Variants in CDC25C observed in about 807,000 individuals in gnomAD.
CDC25C encodes the protein cell division cycle 25C.
Under a neutral mutation model 52.5 loss-of-function variants are expected in CDC25C, and 48 were observed. That is an observed-to-expected ratio of 0.91 (90% CI 0.72 to 1.16). CDC25C has a LOEUF of 1.16. Among genes scored for constraint, CDC25C ranks in the 50% most tolerant of loss-of-function variants. The pLI, the probability that CDC25C is intolerant of heterozygous loss-of-function variation, is 0.00. For synonymous variants in CDC25C, 187 were observed against 206.5 expected, an observed-to-expected ratio of 0.91 and a Z score of 0.81; for missense variants, 510 against 566.1, an observed-to-expected ratio of 0.90 and a Z score of 1.01.
At chr5:138,313,511 A>G (rs1475385693) in intron 7 of CDC25C, among the ~76,000 whole-genome samples, 1 of 152,132 alleles carries the variant, frequency 6.6e-6, no homozygotes, top group African/African-American at 2.4e-5. Flanking sequence ...AAAATGATTA[A>G]AATTGTAAAT....
intron 10 of CDC25C, among the ~76,000 whole-genome samples, 198 bp downstream of exon 10, chr5:138,289,303 T>G (rs1006916760): frequency 6.6e-6 from 1 of 152,136 alleles, no homozygotes; most frequent in East Asian, 1.9e-4. Flanking sequence ...AAAAACTATG[T>G]ATCATTTGTT....
chr5:138,289,668 G>C (rs1756549121), intron 9 of CDC25C, 105 bp from the exon 10 acceptor site: 2 of 834,838 alleles, frequency 2.4e-6, no homozygotes, highest in East Asian at 5.1e-5. Flanking sequence ...TAAAACCCCA[G>C]AGGCCTTCAA....
In CDC25C at chr5:138,291,971, T is replaced by G; in HGVS notation, c.761A>C (p.Lys254Thr). 1 of 1,606,384 alleles carries G rather than the reference T, an allele frequency of 6.2e-7. No homozygotes were observed. ...KYFSGQGKLR[K>T]GLCLKKTVSL... ...ATTTTCATCTTAAAAAGTTCTTACC[T>G]TCCTGAGCTTTCCTTGGCCAGAAAA... The change falls in exon 8 of 14, where the codon AAG (lysine) becomes ACG (threonine). Residue 254 changes from lysine to threonine, a missense_variant and splice_region_variant. Physicochemically the swap from Lys to Thr is moderately conservative, Grantham distance 78. Coordinates refer to ENST00000323760, the MANE Select transcript of CDC25C (RefSeq NM_001790.5).
At chr5:138,303,646 C>T (rs952429334) in intron 7 of CDC25C, among the ~76,000 whole-genome samples, 18 of 152,126 alleles carry the variant, frequency 1.2e-4, no homozygotes, top group African/African-American at 2.9e-4. Context: ...TCTGCTCAAA[C>T]GTCACTCTCA....
rs1279822910 is a variant in CDC25C at position 138,325,912 on chromosome 5, A to G, written c.370-8T>C. The G allele has an allele frequency of 1.2e-6, 2 of 1,613,616 alleles. No individual in the cohort carries two copies. Among genetic ancestry groups the G allele is most frequent in the East Asian group, 2.2e-5 (1 of 44,882 alleles). ...GCTACAAAGAAGCTGTGCCTAAAAA[A>G]GAGAGTTTGCTGAGAACGTCCAGCA... On this transcript the variant is annotated splice_region_variant and splice_polypyrimidine_tract_variant and intron_variant, in intron 5 of 13. Transcript: ENST00000323760.
chr5:138,334,719 C>A (rs1760601348), upstream of CDC25C, among the ~76,000 whole-genome samples: 1 of 152,186 alleles, frequency 6.6e-6, no homozygotes, highest in South Asian at 2.1e-4. Flanking sequence ...TTCACTATCT[C>A]CTCATGATTC....
intron 7 of CDC25C, among the ~76,000 whole-genome samples, chr5:138,293,709 C>T (rs1251117932): frequency 6.7e-6 from 1 of 149,872 alleles, no homozygotes; most frequent in Non-Finnish European, 1.5e-5. Flanking sequence ...TGCAGTGGCA[C>T]AATCTTAGCT....
chr5:138,337,814 T>G, intron 1 of CDC25C: 1 of 469,036 alleles, frequency 2.1e-6, no homozygotes, highest in Non-Finnish European at 3.6e-6. Context: ...GGGGGATTCC[T>G]TCGAAGAGGT....
Position 138,331,008 on chromosome 5 carries a change from G to A in CDC25C, c.173C>T (p.Ala58Val). ...TTACCCAGACAAAATGCTTAGGTTT[G>A]CAGAATCACCAAGAAATTTGCCCAC... ...TPVGKFLGDS[A>V]NLSILSGGTP... The change falls in exon 2 of 14, where the codon GCA becomes GTA. Residue 58 changes from alanine (A) to valine (V), a missense_variant. Transcript: ENST00000323760. 1.2e-6 allele frequency: 2 copies of A among 1,612,004 alleles called. No homozygotes were observed. Among genetic ancestry groups the A allele is most frequent in the Non-Finnish European group, 1.7e-6 (2 of 1,178,004 alleles).
rs139145068 is a variant in CDC25C at position 138,285,732 on chromosome 5, C to T, written c.1382G>A (p.Arg461Gln). ...SKVQEGERQLREQIALLVKDM... is the reference protein window; with the variant it reads ...SKVQEGERQLQEQIALLVKDM... Reference sequence around the variant, plus strand: ...CTTCACCAGAAGGGCAATCTGCTCCCGCAGCTGCCGCTCCCCTTCCTGCAC... The same window carrying T: ...CTTCACCAGAAGGGCAATCTGCTCCTGCAGCTGCCGCTCCCCTTCCTGCAC... The change falls in exon 14 of 14, where the codon CGG (arginine) becomes CAG (glutamine). Residue 461 changes from arginine to glutamine, a missense_variant. By Grantham distance (43) the Arg-to-Gln change is conservative (BLOSUM62 1). Coordinates refer to ENST00000323760, the MANE Select transcript of CDC25C (RefSeq NM_001790.5). 5,892 of 1,614,184 alleles carry T rather than the reference C, an allele frequency of 3.7e-3. 28 individuals are homozygous for T. Among genetic ancestry groups the T allele is most frequent in the Middle Eastern group, 7.8e-3 (47 of 6,058 alleles).
At chr5:138,291,754 C>T (rs887008779) in intron 8 of CDC25C, among the ~76,000 whole-genome samples, 1 of 149,490 alleles carries the variant, frequency 6.7e-6, no homozygotes, top group East Asian at 2.0e-4. Flanking sequence ...TATAGATATA[C>T]TTTATGTATC....
intron 7 of CDC25C, among the ~76,000 whole-genome samples, chr5:138,310,671 T>A (rs1028100596): frequency 6.6e-6 from 1 of 152,202 alleles, no homozygotes; most frequent in South Asian, 2.1e-4. Context: ...CACAAGGAGA[T>A]CATATGACTC....
At chr5:138,327,213 C>G (rs1274904543) in intron 4 of CDC25C, among the ~76,000 whole-genome samples, 1 of 151,358 alleles carries the variant, frequency 6.6e-6, no homozygotes, top group Non-Finnish European at 1.5e-5. Flanking sequence ...CAAAATCGCA[C>G]CACTGCACTC....
intron 1 of CDC25C, chr5:138,337,917 G>A (rs1002282383): frequency 4.6e-5 from 59 of 1,273,752 alleles, no homozygotes; most frequent in Non-Finnish European, 5.8e-5. Flanking sequence ...CAGTTGGGCC[G>A]TTGGAGGGAG....
Position 138,331,703 on chromosome 5 carries a change from A to G in CDC25C, c.-147T>C, listed in dbSNP as rs4987126. 6.9e-4 allele frequency: 685 copies of G among 990,186 alleles called. 6 individuals carry two copies. The African/African-American group carries it at 0.011, about 16-fold the overall frequency. 61.3% of individuals were successfully genotyped at this position (990,186 alleles called of 1,614,324 possible). A position where few individuals can be genotyped will look rare whatever the true frequency, so the allele number is the denominator to read the frequency against. ...AAAGGAAATCTAGGGGAAAGGAGGT[A>G]GTTAACTAGATTGCAGCTCTGCCTT... On this transcript the variant is annotated 5_prime_UTR_variant, in exon 1 of 14. Coordinates refer to ENST00000323760, the MANE Select transcript of CDC25C (RefSeq NM_001790.5).
At chr5:138,287,395 A>G (rs539592313) in intron 10 of CDC25C, 128 bp from the exon 11 acceptor site, 104 of 597,468 alleles carry the variant, frequency 1.7e-4, no homozygotes, top group Non-Finnish European at 2.9e-4. Flanking sequence ...AAGTCACCCC[A>G]TATTTGATAT....
In CDC25C at chr5:138,286,047, T is replaced by TAGC; in HGVS notation, c.1244_1246dup (p.Gly415_Tyr416insCys). On this transcript the variant is annotated inframe_insertion, in exon 13 of 14. Coordinates refer to ENST00000323760, the MANE Select transcript of CDC25C (RefSeq NM_001790.5). ...CATATATTCTGGAAAGAAGTCTCTG[T>TAGC]AGCCGCCTTTAAGGATATATAGCTC... 1.9e-6 allele frequency: 3 copies of TAGC among 1,613,736 alleles called. No individual in the cohort carries two copies. The highest frequency in any genetic ancestry group is 2.5e-6 in the Non-Finnish European group (3 of 1,179,608).
intron 6 of CDC25C, among the ~76,000 whole-genome samples, chr5:138,323,767 G>A (rs1027167829): frequency 1.3e-5 from 2 of 151,930 alleles, no homozygotes; most frequent in African/African-American, 2.4e-5. Flanking sequence ...AAATCAGCCT[G>A]GCCAATATGG....
intron 7 of CDC25C, among the ~76,000 whole-genome samples, chr5:138,302,373 G>A (rs1004370461): frequency 6.6e-6 from 1 of 151,932 alleles, no homozygotes; most frequent in Non-Finnish European, 1.5e-5. Flanking sequence ...ACAACCAAGT[G>A]AGGTTATCAC....
Sources: allele counts gnomAD v4.1 joint callset (sites outside exome capture counted in the v4.1 genomes callset), GRCh38; gene constraint gnomAD v4.1.1; transcripts MANE v1.5; gene names NCBI Gene and HGNC (gene_info 2026-07-23, HGNC 2026-07-21).